CKAP2: variants seen among roughly 807,000 people sequenced by gnomAD.
CKAP2 encodes the protein cytoskeleton associated protein 2.
CKAP2 carries 46 observed loss-of-function variants against 58.4 expected under a neutral mutation model. That is an observed-to-expected ratio of 0.79 (90% CI 0.62 to 1.01). CKAP2 has a LOEUF of 1.01. Ranked by LOEUF, CKAP2 falls within the 50% of genes least tolerant of loss-of-function variation. The pLI is 0.00. For synonymous variants in CKAP2, 293 were observed against 280.9 expected (o/e 1.04, Z -0.43); for missense variants, 809 against 796.4 (o/e 1.02, Z -0.19).
At chr13:52,455,825 G>C (rs1958468474) in intron 1 of CKAP2, 199 bp downstream of exon 1, 1 of 805,128 alleles carries the variant, frequency 1.2e-6, no homozygotes, top group Non-Finnish European at 1.7e-6. Context: ...GCTGCGTGGT[G>C]TTACTGTGCG....
rs572370656 is a variant in CKAP2, at chr13:52,460,819, TTGCCC to T, written c.156-78_156-74del. On this transcript the variant is annotated intron_variant, in intron 2 of 8. Coordinates refer to ENST00000258607, the MANE Select transcript of CKAP2 (RefSeq NM_018204.5). ...TTAGTAAGTCAGTTAATTGTTAACA[TTGCCC>T]TCTTCTTCCTCCCCAAAAGGAAGCC... The T allele has an allele frequency of 4.7e-5, 56 of 1,182,570 alleles. No homozygotes were observed. The East Asian group carries it at 1.3e-3, about 29-fold the overall frequency. The allele number at this position is 1,182,570 out of a possible 1,614,324, so 73.3% of individuals were successfully genotyped here. A position where few individuals can be genotyped will look rare whatever the true frequency, so the allele number is the denominator to read the frequency against.
In CKAP2 at chr13:52,456,614, T is replaced by G; in HGVS notation, c.155+7T>G. The G allele has an allele frequency of 6.2e-7, 1 of 1,600,794 alleles. No homozygotes were observed. Among genetic ancestry groups the G allele is most frequent in the Middle Eastern group, 1.7e-4 (1 of 6,032 alleles). On this transcript the variant is annotated splice_region_variant and intron_variant, in intron 2 of 8. Transcript: ENST00000258607. ...AAAATGAGATGTTATCCAGGTAAGG[T>G]CAAGTTTATTTCTTTTCACTTCTGT... is the stretch of plus-strand genomic sequence containing the variant.
At chr13:52,456,650 C>A in intron 2 of CKAP2, 43 bp downstream of exon 2, 1 of 1,418,602 alleles carries the variant, frequency 7.0e-7, no homozygotes, top group Non-Finnish European at 9.9e-7. Context: ...AAAATTGTAT[C>A]AGATCTGTCC....
In CKAP2 at chr13:52,465,960, C is replaced by T. The variant is rs376323741; in HGVS notation, c.1476+495C>T. ...ATATATATACACATATATATGCACA[C>T]ATATATACACACATATATGCACACA... On this transcript the variant is annotated intron_variant, in intron 6 of 8. Coordinates refer to ENST00000258607, the MANE Select transcript of CKAP2 (RefSeq NM_018204.5). The T allele has an allele frequency of 8.4e-3, 1,137 of 135,920 alleles. 14 individuals are homozygous for T. Among genetic ancestry groups the T allele is most frequent in the African/African-American group, 0.039 (975 of 24,722 alleles). The allele number at this position is 135,920 out of a possible 1,614,324, so 8.4% of individuals were successfully genotyped here.
chr13:52,462,469 G>C lies in CKAP2; in HGVS notation c.1207G>C (p.Gly403Arg). Residue 403 changes from glycine (G) to arginine (R), a missense_variant, in exon 5 of 9, where the codon GGG becomes CGG. By Grantham distance (125) the Gly-to-Arg change is moderately radical. This residue lies in a region of CKAP2 where 523 missense variants were observed against 492.4 expected (regional missense o/e 1.06). Coordinates refer to ENST00000258607, the MANE Select transcript of CKAP2 (RefSeq NM_018204.5). ...TGCAGGACAAAATGAAAAACCAGTT[G>C]GGTCTTTTTGGACTACCATGGCAGA... is the stretch of plus-strand genomic sequence containing the variant. ...EPAGQNEKPVGSFWTTMAEED... is the reference protein window; with the variant it reads ...EPAGQNEKPVRSFWTTMAEED... 1 of 1,613,988 alleles carries C rather than the reference G, an allele frequency of 6.2e-7. No homozygotes were observed. The highest frequency in any genetic ancestry group is 8.5e-7 in the Non-Finnish European group (1 of 1,179,962).
rs1463590102 is a variant in CKAP2 at position 52,468,334 on chromosome 13, A to G, written c.1533A>G (p.Glu511=). ...IVDILTMKSQ[E]KANLGENMEK... ...ATATTCTAACAATGAAGAGTCAAGA[A>G]AAAGCTAATTTAGGTAAGTTTTAGT... is the stretch of plus-strand genomic sequence containing the variant. The change falls in exon 7 of 9, where the codon GAA becomes GAG. Residue 511 remains glutamate, a synonymous_variant. Transcript: ENST00000258607. 5 of 1,593,838 alleles carry G rather than the reference A, an allele frequency of 3.1e-6. No homozygotes were observed. The highest frequency in any genetic ancestry group is 4.3e-6 in the Non-Finnish European group (5 of 1,168,334).
intron 6 of CKAP2, among the ~76,000 whole-genome samples, chr13:52,467,328 C>G (rs1958695143): frequency 6.6e-6 from 1 of 152,072 alleles, no homozygotes; most frequent in African/African-American, 2.4e-5. Context: ...TTCAGAGATA[C>G]ATTTCATAGC....
chr13:52,457,990 T>A (rs964404305), intron 2 of CKAP2, among the ~76,000 whole-genome samples: 2 of 152,208 alleles, frequency 1.3e-5, no homozygotes, highest in Non-Finnish European at 2.9e-5. Flanking sequence ...TGTACAGATA[T>A]TCTTTGACCT....
chr13:52,469,915 C>A (rs1958738159), intron 7 of CKAP2, among the ~76,000 whole-genome samples: 1 of 151,756 alleles, frequency 6.6e-6, no homozygotes, highest in Non-Finnish European at 1.5e-5. Context: ...GTATCATAGT[C>A]TATGACACAT....
At chr13:52,472,602 T>TATCCCTTTCCCATACCCAAC (rs1221524980) in intron 7 of CKAP2, among the ~76,000 whole-genome samples, 1 of 152,178 alleles carries the variant, frequency 6.6e-6, no homozygotes, top group Admixed American at 6.5e-5. Context: ...CCATGCCCAG[T>TATCCCTTTCCCATACCCAAC]ATCCCTTTCC....
intron 6 of CKAP2, among the ~76,000 whole-genome samples, chr13:52,466,144 A>G (rs1425668434): frequency 1.3e-5 from 2 of 152,074 alleles, no homozygotes; most frequent in African/African-American, 4.8e-5. Flanking sequence ...TTACCTCTAT[A>G]GTGCCTCGAT....
chr13:52,474,208 G>C, intron 8 of CKAP2, 124 bp downstream of exon 8: 1 of 965,252 alleles, frequency 1.0e-6, no homozygotes, highest in Non-Finnish European at 1.5e-6. Context: ...ATTTCAGTAC[G>C]GGCATGGTGG....
chr13:52,462,756 T>G (rs1958605997), intron 5 of CKAP2, among the ~76,000 whole-genome samples, 189 bp downstream of exon 5: 3 of 152,216 alleles, frequency 2.0e-5, no homozygotes. Context: ...TCATTAATTG[T>G]GAGCTTATTA....
chr13:52,461,023 C>G, intron 3 of CKAP2, 35 bp from the exon 4 acceptor site: 1 of 1,603,948 alleles, frequency 6.2e-7, no homozygotes, highest in Non-Finnish European at 8.5e-7. Flanking sequence ...TCCATTTTGC[C>G]TTTCCTAAAC....
chr13:52,463,027 T>G (rs144404051), intron 5 of CKAP2, among the ~76,000 whole-genome samples: 2 of 152,188 alleles, frequency 1.3e-5, no homozygotes, highest in Non-Finnish European at 1.5e-5. Context: ...AACCTCTGCC[T>G]CCTGGGTTGA....
At position 52,461,307 on chromosome 13, in the gene CKAP2, GA is replaced by G. The variant is rs1353692182; in HGVS notation, c.486del (p.Lys162AsnfsTer59). 1 of 1,613,880 alleles carries G rather than the reference GA, an allele frequency of 6.2e-7. No individual in the cohort carries two copies. Among genetic ancestry groups the G allele is most frequent in the Non-Finnish European group, 8.5e-7 (1 of 1,180,000 alleles). On this transcript the variant is annotated frameshift_variant, in exon 4 of 9. Coordinates refer to ENST00000258607, the MANE Select transcript of CKAP2 (RefSeq NM_018204.5). LOFTEE classifies it high-confidence loss of function. Reference protein sequence around the residue: ...NNSKKKQMTTEKQKQDANMPK... With the variant: ...NNSKKKQMTTXKQKQDANMPK... ...TAGTAAAAAGAAACAAATGACTACA[GA>G]AAAACAAAAGCAAGATGCTAACATG...
At chr13:52,466,834 G>A (rs987313517) in intron 6 of CKAP2, among the ~76,000 whole-genome samples, 3 of 152,034 alleles carry the variant, frequency 2.0e-5, no homozygotes, top group African/African-American at 4.8e-5. Context: ...GATGGTTCAC[G>A]GCTGTAATCC....
rs1958822270 is a variant in CKAP2 at position 52,475,892 on chromosome 13, T to G, written c.*751T>G. On this transcript the variant is annotated 3_prime_UTR_variant, in exon 9 of 9. Coordinates refer to ENST00000258607, the MANE Select transcript of CKAP2 (RefSeq NM_018204.5). ...ATTTAGTGGTTTAACTTTTGTAACT[T>G]CACTTGATAGTTTTTAAGCAATTAG... 1 of 152,250 alleles carries G rather than the reference T, an allele frequency of 6.6e-6. No homozygotes were observed. The highest frequency in any genetic ancestry group is 1.5e-5 in the Non-Finnish European group (1 of 68,040). The allele number at this position is 152,250 out of a possible 1,614,324, so 9.4% of individuals were successfully genotyped here.
intron 1 of CKAP2, among the ~76,000 whole-genome samples, 169 bp downstream of exon 1, chr13:52,455,795 G>A (rs988362089): frequency 1.3e-5 from 2 of 152,216 alleles, no homozygotes; most frequent in East Asian, 1.9e-4. Flanking sequence ...CTTGTGGAAC[G>A]GATCATAAAA....
Sources: allele counts gnomAD v4.1 joint callset (sites outside exome capture counted in the v4.1 genomes callset), GRCh38; gene constraint gnomAD v4.1.1; regional missense constraint gnomAD v4.1.1; transcripts MANE v1.5; gene names NCBI Gene and HGNC (gene_info 2026-07-23, HGNC 2026-07-21).